Variants in NRCAM observed in about 807,000 individuals in gnomAD.
NRCAM encodes the protein NgCAM-related cell adhesion molecule.
NRCAM carries 83 observed loss-of-function variants against 156.5 expected under a neutral mutation model. That is an observed-to-expected ratio of 0.53 (90% CI 0.44 to 0.64). The LOEUF is 0.64. Ranked by LOEUF, NRCAM falls within the 30% of genes least tolerant of loss-of-function variation. NRCAM has a pLI of 0.00. For missense variants in NRCAM, 1,417 were observed against 1,597.3 expected, an observed-to-expected ratio of 0.89 and a Z score of 1.92; for synonymous variants, 538 against 563.9, an observed-to-expected ratio of 0.95 and a Z score of 0.65.
At chr7:108,168,586 C>G (rs769809588) in intron 28 of NRCAM, among the ~76,000 whole-genome samples, 184 bp from the exon 29 acceptor site, 1 of 152,098 alleles carries the variant, frequency 6.6e-6, no homozygotes, top group African/African-American at 2.4e-5. Context: ...AAATTCAGCA[C>G]TAGGAAATTA....
At position 108,148,455 on chromosome 7, in the gene NRCAM, T is replaced by A. The variant is rs1273881557; in HGVS notation, c.*1455A>T. On this transcript the variant is annotated 3_prime_UTR_variant, in exon 33 of 33. Coordinates refer to ENST00000379028, the MANE Select transcript of NRCAM (RefSeq NM_001037132.4). ...TATGAGAAACCAATTTATTGGCAAATGAAACTGAGCATTCCTTCAACCATA... is the reference window on the plus strand; with the variant it reads ...TATGAGAAACCAATTTATTGGCAAAAGAAACTGAGCATTCCTTCAACCATA... 1 of 152,690 alleles carries A rather than the reference T, an allele frequency of 6.5e-6. No homozygotes were observed. Among genetic ancestry groups the A allele is most frequent in the East Asian group, 1.9e-4 (1 of 5,206 alleles). 9.5% of individuals were successfully genotyped at this position (152,690 alleles called of 1,614,324 possible). A position where few individuals can be genotyped will look rare whatever the true frequency, so the allele number is the denominator to read the frequency against.
chr7:108,438,121 A>G (rs139990172), intron 1 of NRCAM, among the ~76,000 whole-genome samples: 3 of 151,922 alleles, frequency 2.0e-5, no homozygotes, highest in Non-Finnish European at 2.9e-5. Flanking sequence ...GGTGAATTCT[A>G]CTCTTCCACA....
intron 2 of NRCAM, among the ~76,000 whole-genome samples, chr7:108,355,420 G>A (rs2099486239): frequency 6.7e-6 from 1 of 150,190 alleles, no homozygotes; most frequent in South Asian, 2.1e-4. Flanking sequence ...GATCACCTGA[G>A]TAATATACAA....
chr7:108,372,533 G>C (rs888343043), intron 2 of NRCAM, among the ~76,000 whole-genome samples: 19 of 151,616 alleles, frequency 1.3e-4, no homozygotes, highest in Non-Finnish European at 1.5e-5. Context: ...TTTAAAATGG[G>C]CTAAGGACTT....
chr7:108,209,775 G>A (rs557234152), intron 11 of NRCAM, among the ~76,000 whole-genome samples, 170 bp from the exon 12 acceptor site: 4 of 152,190 alleles, frequency 2.6e-5, no homozygotes, highest in South Asian at 2.1e-4. Context: ...ACAGTTTTAC[G>A]TTTTCACATA....
intron 2 of NRCAM, among the ~76,000 whole-genome samples, chr7:108,352,243 G>A (rs2154295662): frequency 6.6e-6 from 1 of 152,290 alleles, no homozygotes; most frequent in East Asian, 1.9e-4. Flanking sequence ...CTATTGGCAA[G>A]TCCCTGGAGT....
intron 1 of NRCAM, among the ~76,000 whole-genome samples, chr7:108,405,314 C>T (rs183152877): frequency 6.6e-6 from 1 of 152,288 alleles, no homozygotes; most frequent in Non-Finnish European, 1.5e-5. Context: ...CGCCTCAGTG[C>T]GGCTTCTTTG....
At chr7:108,155,085 G>C (rs1585102629) in intron 32 of NRCAM, among the ~76,000 whole-genome samples, 3 of 66,552 alleles carry the variant, frequency 4.5e-5, no homozygotes, top group East Asian at 1.1e-3. Context: ...TGATTTAAAA[G>C]TCATATATAT....
At chr7:108,377,544 C>T (rs1410239144) in intron 2 of NRCAM, among the ~76,000 whole-genome samples, 2 of 151,980 alleles carry the variant, frequency 1.3e-5, no homozygotes, top group African/African-American at 4.8e-5. Context: ...TCCCAGGAGT[C>T]CCTCAATATT....
chr7:108,384,718 C>T (rs952936952), intron 2 of NRCAM, among the ~76,000 whole-genome samples: 1 of 152,158 alleles, frequency 6.6e-6, no homozygotes, highest in Non-Finnish European at 1.5e-5. Context: ...GGGTAGGACC[C>T]ACAACTTTGC....
chr7:108,455,505 C>A (rs1598752278), intron 1 of NRCAM, among the ~76,000 whole-genome samples: 1 of 152,208 alleles, frequency 6.6e-6, no homozygotes, highest in African/African-American at 2.4e-5. Context: ...CCCTCGGAGG[C>A]AGGGCGGGGC....
chr7:108,385,965 G>GTA (rs1350546472), intron 2 of NRCAM, among the ~76,000 whole-genome samples: 1 of 152,108 alleles, frequency 6.6e-6, no homozygotes, highest in Non-Finnish European at 1.5e-5. Context: ...ATCAATGCGA[G>GTA]TATGTAAGCA....
rs115202522 is a variant in NRCAM at position 108,320,246 on chromosome 7, G to A, written c.-173-7515C>T. Among the ~76,000 whole-genome samples the A allele has an allele frequency of 8.3e-3, 1,257 of 152,206 alleles. 15 individuals are homozygous for A. Among genetic ancestry groups the A allele is most frequent in the African/African-American group, 0.029 (1,187 of 41,528 alleles). Reference sequence around the variant, plus strand: ...CAAGGAGGATAGCTTGGGTCCAGGAGTTCAAGACCAGCCTGGGCAACACAG... The same window carrying A: ...CAAGGAGGATAGCTTGGGTCCAGGAATTCAAGACCAGCCTGGGCAACACAG... On this transcript the variant is annotated intron_variant, in intron 2 of 32. Coordinates refer to ENST00000379028, the MANE Select transcript of NRCAM (RefSeq NM_001037132.4).
chr7:108,342,602 C>T (rs537279393), intron 2 of NRCAM, among the ~76,000 whole-genome samples: 5 of 152,286 alleles, frequency 3.3e-5, no homozygotes, highest in South Asian at 2.1e-4. Flanking sequence ...AGCTTGCCAA[C>T]GGGGCAAGAC....
chr7:108,344,434 C>T (rs1291210864), intron 2 of NRCAM, among the ~76,000 whole-genome samples: 9 of 152,018 alleles, frequency 5.9e-5, no homozygotes, highest in Non-Finnish European at 1.3e-4. Context: ...CTATGCTCTT[C>T]GGGTCCCCTC....
At chr7:108,260,519 A>C (rs576037816) in intron 3 of NRCAM, among the ~76,000 whole-genome samples, 7 of 152,284 alleles carry the variant, frequency 4.6e-5, no homozygotes, top group African/African-American at 1.7e-4. Flanking sequence ...CCACACTCCC[A>C]AGAAGGTGGA....
At chr7:108,420,421 A>T (rs1043952902) in intron 1 of NRCAM, among the ~76,000 whole-genome samples, 13 of 152,180 alleles carry the variant, frequency 8.5e-5, no homozygotes, top group African/African-American at 2.9e-4. Context: ...TCTTACCAAT[A>T]TATGAATTGC....
intron 2 of NRCAM, chr7:108,328,293 T>G (rs2154239232): frequency 6.6e-6 from 1 of 152,298 alleles, no homozygotes; most frequent in East Asian, 1.9e-4. Flanking sequence ...TGGAATACAA[T>G]TCTAATCTGG....
intron 2 of NRCAM, among the ~76,000 whole-genome samples, chr7:108,383,153 C>CACACACACACACACACACAA (rs10669547): frequency 2.6e-5 from 4 of 151,612 alleles, no homozygotes; most frequent in East Asian, 3.9e-4. Context: ...CACACACACA[C>CACACACACACACACACACAA]ACCCCTTGGT....
Sources: allele counts gnomAD v4.1 joint callset (sites outside exome capture counted in the v4.1 genomes callset), GRCh38; gene constraint gnomAD v4.1.1; transcripts MANE v1.5; gene names NCBI Gene and HGNC (gene_info 2026-07-23, HGNC 2026-07-21).